Variants in RGS7 observed in about 807,000 individuals in gnomAD.
RGS7 encodes the protein regulator of G protein signaling 7, also known as regulator of G-protein signaling 7.
RGS7 carries 27 observed loss-of-function variants against 81.1 expected under a neutral mutation model. That is an observed-to-expected ratio of 0.33 (90% confidence interval 0.25 to 0.46). The LOEUF (loss-of-function observed/expected upper bound fraction) is 0.46. Among genes scored for constraint, RGS7 ranks in the 20% least tolerant of loss-of-function variants. The pLI, the probability that RGS7 is intolerant of heterozygous loss-of-function variation, is 1.00. For synonymous variants in RGS7, 208 were observed against 207.7 expected, an observed-to-expected ratio of 1.00 and a Z score of -0.01; for missense variants, 396 against 607.4, an observed-to-expected ratio of 0.65 and a Z score of 3.66.
chr1:240,942,165 G>A (rs1239573152), intron 4 of RGS7, among the ~76,000 whole-genome samples: 3 of 152,012 alleles, frequency 2.0e-5, no homozygotes, highest in Non-Finnish European at 4.4e-5. Flanking sequence ...CAACATCCTC[G>A]GATAGCGAAG....
intron 3 of RGS7, among the ~76,000 whole-genome samples, chr1:241,095,859 C>G (rs779180754): frequency 7.2e-5 from 11 of 152,154 alleles, no homozygotes; most frequent in Admixed American, 2.6e-4. Context: ...TGGCATAGAA[C>G]ACTGGAACTA....
intron 2 of RGS7, among the ~76,000 whole-genome samples, chr1:241,320,191 G>A (rs983919312): frequency 2.6e-5 from 4 of 152,204 alleles, no homozygotes; most frequent in Non-Finnish European, 4.4e-5. Flanking sequence ...GAAGCATCAT[G>A]CTAATTCCAA....
At chr1:240,844,068 G>A (rs772004149) in intron 9 of RGS7, among the ~76,000 whole-genome samples, 13 of 152,020 alleles carry the variant, frequency 8.6e-5, no homozygotes, top group African/African-American at 1.9e-4. Context: ...TCTTAGTTTC[G>A]CTTTGATATG....
intron 3 of RGS7, among the ~76,000 whole-genome samples, chr1:241,011,731 G>C (rs2058966084): frequency 6.6e-6 from 1 of 152,098 alleles, no homozygotes; most frequent in Non-Finnish European, 1.5e-5. Context: ...CATACCTTGA[G>C]AACAGAAGCA....
intron 6 of RGS7, among the ~76,000 whole-genome samples, chr1:240,919,130 C>G (rs1274460989): frequency 6.6e-6 from 1 of 152,130 alleles, no homozygotes; most frequent in African/African-American, 2.4e-5. Context: ...GCCCAGATAA[C>G]TTCACTGGGG....
At chr1:240,976,034 A>G (rs1684017512) in intron 4 of RGS7, among the ~76,000 whole-genome samples, 1 of 152,238 alleles carries the variant, frequency 6.6e-6, no homozygotes, top group Non-Finnish European at 1.5e-5. Context: ...CCCTGAGAAT[A>G]CCATTGTAAG....
At chr1:241,037,720 C>CAA (rs34194641) in intron 3 of RGS7, among the ~76,000 whole-genome samples, 7 of 130,294 alleles carry the variant, frequency 5.4e-5, no homozygotes, top group African/African-American at 1.2e-4. Context: ...GACTCCATCT[C>CAA]AAAAAAAAAA....
At chr1:241,335,226 C>A (rs1046218468) in intron 2 of RGS7, among the ~76,000 whole-genome samples, 4 of 152,176 alleles carry the variant, frequency 2.6e-5, no homozygotes, top group Non-Finnish European at 5.9e-5. Flanking sequence ...ATCCACTATA[C>A]CCCTTTCACA....
intron 3 of RGS7, among the ~76,000 whole-genome samples, chr1:240,983,467 C>T (rs1319441439): frequency 6.6e-6 from 1 of 152,134 alleles, no homozygotes; most frequent in Non-Finnish European, 1.5e-5. Context: ...CACAGCATAA[C>T]CAGTATTTTA....
chr1:240,802,551 C>T (rs571923568), intron 16 of RGS7, among the ~76,000 whole-genome samples: 5 of 152,214 alleles, frequency 3.3e-5, no homozygotes, highest in African/African-American at 1.2e-4. Context: ...AACAAAGAAA[C>T]CTCTCTTCAA....
At position 241,126,433 on chromosome 1, in the gene RGS7, G is replaced by A. The variant is rs955782378; in HGVS notation, c.79-27671C>T. On this transcript the variant is annotated intron_variant, in intron 2 of 18. Coordinates refer to ENST00000440928, the MANE Select transcript of RGS7 (RefSeq NM_001364886.1). ...CAAAGTGCTGGGATTACAGGTACAAGCCACAGTGCCTGGCCCCATTTATAT... is the reference window on the plus strand; with the variant it reads ...CAAAGTGCTGGGATTACAGGTACAAACCACAGTGCCTGGCCCCATTTATAT... Among the ~76,000 whole-genome samples the A allele has an allele frequency of 2.0e-5, 3 of 152,222 alleles. No individual in the cohort carries two copies. In the East Asian group the frequency reaches 5.8e-4, roughly 29 times the overall value.
chr1:241,145,263 G>A (rs555355537), intron 2 of RGS7, among the ~76,000 whole-genome samples: 16 of 152,008 alleles, frequency 1.1e-4, no homozygotes, highest in South Asian at 4.2e-4. Flanking sequence ...TGATTCTCCC[G>A]CTTCAGCCAC....
chr1:240,793,686 T>C (rs1686493982), intron 18 of RGS7, among the ~76,000 whole-genome samples: 1 of 147,444 alleles, frequency 6.8e-6, no homozygotes, highest in African/African-American at 2.5e-5. Flanking sequence ...CTTGGCTCAC[T>C]GCAAGCTCCA....
At position 241,209,148 on chromosome 1, in the gene RGS7, G is replaced by A. The variant is rs149959276; in HGVS notation, c.79-110386C>T. ...AGAGAGATGTCTCTAGTGGTCTGCC[G>A]CAGGGCACTGTCTGGGGCACTGTCT... On this transcript the variant is annotated intron_variant, in intron 2 of 18. Transcript: ENST00000440928. 1.2e-3 allele frequency among the ~76,000 whole-genome samples: 178 copies of A among 152,206 alleles called. 1 individual carries two copies. Among genetic ancestry groups the A allele is most frequent in the African/African-American group, 3.7e-3 (154 of 41,540 alleles).
intron 4 of RGS7, among the ~76,000 whole-genome samples, chr1:240,954,997 C>T: frequency 6.6e-6 from 1 of 152,096 alleles, no homozygotes; most frequent in East Asian, 1.9e-4. Context: ...TTCACAATAG[C>T]AGCAAAATTG....
intron 4 of RGS7, among the ~76,000 whole-genome samples, chr1:240,966,573 C>T (rs1682332707): frequency 6.6e-6 from 1 of 152,110 alleles, no homozygotes; most frequent in Non-Finnish European, 1.5e-5. Context: ...ACTATTTGCT[C>T]ATAAAACTCA....
intron 3 of RGS7, among the ~76,000 whole-genome samples, chr1:241,024,923 C>T (rs1026583894): frequency 1.3e-5 from 2 of 152,130 alleles, no homozygotes; most frequent in African/African-American, 4.8e-5. Context: ...AATTTCTATC[C>T]ATTTTAATTT....
chr1:240,835,052 A>G (rs942784207), intron 9 of RGS7, among the ~76,000 whole-genome samples: 2 of 152,152 alleles, frequency 1.3e-5, no homozygotes, highest in Non-Finnish European at 2.9e-5. Context: ...GAGTTGGGTG[A>G]TGACTTTTTA....
chr1:241,282,868 C>T (rs543511443), intron 2 of RGS7, among the ~76,000 whole-genome samples: 6 of 152,062 alleles, frequency 3.9e-5, no homozygotes, highest in Non-Finnish European at 5.9e-5. Flanking sequence ...CCTTTGTTTC[C>T]TTTAACTAAT....
Sources: gnomAD v4.1 joint callset for allele counts (sites outside exome capture counted in the v4.1 genomes callset) on GRCh38, gnomAD v4.1.1 for gene constraint, MANE v1.5 for transcripts, NCBI Gene and HGNC (gene_info 2026-07-23, HGNC 2026-07-21) for gene names.